PVT1: variants seen among roughly 807,000 people sequenced by gnomAD.
PVT1 encodes Pvt1 oncogene.
In PVT1 at chr8:127,985,311, C is replaced by T. The variant is rs1308524135; in HGVS notation, n.783-3851C>T. 2.6e-5 allele frequency among the ~76,000 whole-genome samples: 4 copies of T among 151,872 alleles called. No individual in the cohort carries two copies. The South Asian group carries it at 6.2e-4, about 24-fold the overall frequency. On this transcript the variant is annotated intron_variant and non_coding_transcript_variant, in intron 3 of 10. Coordinates refer to ENST00000651587, the Ensembl canonical transcript of PVT1. The stretch of plus-strand genomic sequence containing the variant: ...CCTCCCAAAGTGTTGGGATTACAGG[C>T]GTGAGCCACCGCGCCCAGCCTTCCA...
intron 5 of PVT1, among the ~76,000 whole-genome samples, chr8:128,089,692 A>G (rs1814325121): frequency 6.6e-6 from 1 of 152,230 alleles, no homozygotes; most frequent in Admixed American, 6.5e-5. Context: ...TTGGAAAAGT[A>G]TGTTGAGATT....
intron 2 of PVT1, among the ~76,000 whole-genome samples, chr8:127,831,821 C>A (rs1483225118): frequency 3.3e-5 from 5 of 152,124 alleles, no homozygotes; most frequent in African/African-American, 1.2e-4. Context: ...TTGGCAAGAG[C>A]GCCTCATGGG....
intron 3 of PVT1, among the ~76,000 whole-genome samples, chr8:127,967,540 C>T (rs1413327982): frequency 6.6e-6 from 1 of 152,252 alleles, no homozygotes; most frequent in Non-Finnish European, 1.5e-5. Context: ...TCAGTAAATG[C>T]TTCTGCCTGG....
At chr8:127,939,661 A>C (rs938921979) in intron 3 of PVT1, 1 of 152,206 alleles carries the variant, frequency 6.6e-6, no homozygotes, top group Admixed American at 6.5e-5. Flanking sequence ...CTGCCAGGAC[A>C]CTGAGATTTG....
At chr8:127,799,359 G>A (rs1203871900) in intron 2 of PVT1, among the ~76,000 whole-genome samples, 2 of 152,054 alleles carry the variant, frequency 1.3e-5, no homozygotes, top group Non-Finnish European at 2.9e-5. Flanking sequence ...AGAAGTTTGA[G>A]ACCAGCCTGG....
intron 2 of PVT1, among the ~76,000 whole-genome samples, chr8:127,872,884 C>T (rs75426177): frequency 0.01 from 1,551 of 152,316 alleles, 28 homozygotes; most frequent in African/African-American, 0.035. Flanking sequence ...TCTTTGTCCC[C>T]ACGCCTGCCC....
chr8:127,863,960 T>C (rs1815257122), intron 2 of PVT1, among the ~76,000 whole-genome samples: 2 of 152,330 alleles, frequency 1.3e-5, no homozygotes, highest in Middle Eastern at 3.4e-3. Context: ...CAGGTTATTT[T>C]GGCTCAGCGC....
intron 2 of PVT1, among the ~76,000 whole-genome samples, chr8:127,804,475 G>A (rs1006223713): frequency 2.7e-5 from 4 of 150,452 alleles, no homozygotes; most frequent in African/African-American, 7.3e-5. Flanking sequence ...CCAGGCTGTG[G>A]TTTTTTATTT....
At chr8:127,906,347 TAG>T (rs1815818980) in intron 3 of PVT1, among the ~76,000 whole-genome samples, 1 of 152,232 alleles carries the variant, frequency 6.6e-6, no homozygotes, top group Non-Finnish European at 1.5e-5. Flanking sequence ...ATTTGCTCTC[TAG>T]TTAGCACCAA....
At chr8:128,069,030 G>A (rs1813948694) in intron 4 of PVT1, among the ~76,000 whole-genome samples, 1 of 152,186 alleles carries the variant, frequency 6.6e-6, no homozygotes, top group African/African-American at 2.4e-5. Flanking sequence ...GAAACAAAGT[G>A]GACTCCAGGG....
chr8:127,833,250 A>G (rs908718220), intron 2 of PVT1, among the ~76,000 whole-genome samples: 2 of 152,128 alleles, frequency 1.3e-5, no homozygotes, highest in Admixed American at 6.5e-5. Flanking sequence ...CAGGCATTTC[A>G]TAATCCTCTC....
chr8:127,883,515 A>C (rs1422026394), intron 2 of PVT1, among the ~76,000 whole-genome samples: 2 of 152,196 alleles, frequency 1.3e-5, no homozygotes, highest in South Asian at 2.1e-4. Flanking sequence ...AGATATACCT[A>C]ATGTTAAATG....
intron 3 of PVT1, among the ~76,000 whole-genome samples, chr8:127,968,672 C>G (rs1816729444): frequency 6.6e-6 from 1 of 152,166 alleles, no homozygotes. Flanking sequence ...CAGGTCCTAA[C>G]CCCTGTGCCC....
intron 4 of PVT1, among the ~76,000 whole-genome samples, chr8:128,060,520 C>T (rs577252993): frequency 1.3e-5 from 2 of 152,202 alleles, no homozygotes; most frequent in East Asian, 1.9e-4. Flanking sequence ...CCTGGACTCT[C>T]GGAGTTTAAA....
chr8:127,839,428 T>C (rs1814947466), intron 2 of PVT1, among the ~76,000 whole-genome samples: 1 of 151,768 alleles, frequency 6.6e-6, no homozygotes, highest in South Asian at 2.1e-4. Flanking sequence ...CATAGACTTG[T>C]GGTCCCAGCT....
At chr8:127,832,718 C>T (rs1358927607) in intron 2 of PVT1, among the ~76,000 whole-genome samples, 2 of 152,142 alleles carry the variant, frequency 1.3e-5, no homozygotes, top group East Asian at 1.9e-4. Context: ...ATTAGCCGGG[C>T]GTGGTGGCGG....
At chr8:127,937,807 C>T (rs1816297354) in intron 3 of PVT1, among the ~76,000 whole-genome samples, 1 of 152,132 alleles carries the variant, frequency 6.6e-6, no homozygotes, top group South Asian at 2.1e-4. Flanking sequence ...CGAACAAGGG[C>T]ATTATTTATT....
intron 3 of PVT1, among the ~76,000 whole-genome samples, chr8:127,970,861 G>C (rs2129963046): frequency 6.6e-6 from 1 of 152,320 alleles, no homozygotes; most frequent in East Asian, 1.9e-4. Context: ...AAACAGAGCA[G>C]GTTATGACTC....
chr8:127,881,213 C>T (rs1200240793), intron 2 of PVT1, among the ~76,000 whole-genome samples: 2 of 152,086 alleles, frequency 1.3e-5, no homozygotes, highest in Admixed American at 6.5e-5. Context: ...CCGAGTCTGA[C>T]TCGTGGGAGT....
Sources: allele counts gnomAD v4.1 joint callset (sites outside exome capture counted in the v4.1 genomes callset), GRCh38; gene constraint gnomAD v4.1.1; transcripts MANE v1.5; gene names NCBI Gene and HGNC (gene_info 2026-07-23, HGNC 2026-07-21).